Variants in PRKD1 observed in about 807,000 individuals in gnomAD.
PRKD1 encodes the protein protein kinase D1.
Under a neutral mutation model 95.9 loss-of-function variants are expected in PRKD1, and 63 were observed. The ratio of observed to expected loss-of-function variants is 0.66; its 90% CI spans 0.54 to 0.81. The LOEUF (loss-of-function observed/expected upper bound fraction) is 0.81, where lower values mean the gene tolerates loss of function less well. Ranked by LOEUF, PRKD1 falls within the 30% of genes least tolerant of loss-of-function variation. PRKD1 has a pLI of 0.00. For missense variants in PRKD1, 1,048 were observed against 1,165.3 expected, an observed-to-expected ratio of 0.90 and a Z score of 1.47; for synonymous variants, 425 against 423.1, an observed-to-expected ratio of 1.00 and a Z score of -0.05.
At chr14:29,863,885 T>A (rs1892793909) in intron 1 of PRKD1, among the ~76,000 whole-genome samples, 1 of 152,008 alleles carries the variant, frequency 6.6e-6, no homozygotes, top group Non-Finnish European at 1.5e-5. Context: ...TAAAATAATA[T>A]AATCTCAAAA....
chr14:29,614,856 ATTTTTTTTTTTTTT>A lies in PRKD1; in HGVS notation c.1905+9282_1905+9295del, dbSNP rs55917722. Among the ~76,000 whole-genome samples, 29 of 115,646 alleles carry A rather than the reference ATTTTTTTTTTTTTT, an allele frequency of 2.5e-4. 2 individuals carry two copies. The highest frequency in any genetic ancestry group is 8.9e-4 in the African/African-American group (25 of 28,146). The allele number at this position is 115,646 out of a possible 152,430, so 75.9% of individuals were successfully genotyped here. A position where few individuals can be genotyped will look rare whatever the true frequency, so the allele number is the denominator to read the frequency against. Reference sequence around the variant, plus strand: ...AGGCATGGGGCACCATGCCCAGCTAATTTTTTTTTTTTTTTTTTTTTTTTTTTGTATTTTTAGTA... The same window carrying A: ...AGGCATGGGGCACCATGCCCAGCTAATTTTTTTTTTTTTGTATTTTTAGTA... On this transcript the variant is annotated intron_variant, in intron 13 of 17. Coordinates refer to ENST00000331968, the MANE Select transcript of PRKD1 (RefSeq NM_002742.3).
chr14:29,819,638 C>T (rs1327600412), intron 1 of PRKD1, among the ~76,000 whole-genome samples: 2 of 151,734 alleles, frequency 1.3e-5, no homozygotes, highest in Non-Finnish European at 2.9e-5. Context: ...TGCAGTGAGC[C>T]GAGATTGCGC....
At chr14:29,897,037 C>T (rs1224543805) in intron 1 of PRKD1, among the ~76,000 whole-genome samples, 3 of 151,588 alleles carry the variant, frequency 2.0e-5, no homozygotes, top group African/African-American at 7.3e-5. Context: ...TATCTATGAT[C>T]CTACTAGCCA....
chr14:29,776,048 C>A (rs916930574), intron 1 of PRKD1, among the ~76,000 whole-genome samples: 1 of 152,118 alleles, frequency 6.6e-6, no homozygotes, highest in African/African-American at 2.4e-5. Context: ...CTGGAGTGGA[C>A]CTCCAGCAAA....
intron 2 of PRKD1, among the ~76,000 whole-genome samples, chr14:29,695,234 CAAAAAA>C (rs34575259): frequency 1.1e-5 from 1 of 95,176 alleles, no homozygotes; most frequent in Non-Finnish European, 2.2e-5. Context: ...AACTCCATCT[CAAAAAA>C]AAAAAAAAAA....
intron 2 of PRKD1, among the ~76,000 whole-genome samples, chr14:29,700,795 G>C (rs1268730856): frequency 6.6e-6 from 1 of 152,130 alleles, no homozygotes; most frequent in Non-Finnish European, 1.5e-5. Context: ...CTGAAGAAGA[G>C]GGAATTCTGT....
chr14:29,916,587 T>C (rs1445230304), intron 1 of PRKD1, among the ~76,000 whole-genome samples: 1 of 152,218 alleles, frequency 6.6e-6, no homozygotes, highest in Admixed American at 6.5e-5. Context: ...GTTACTGTTC[T>C]GAGGATCTAA....
chr14:29,729,658 T>C (rs527445230), intron 1 of PRKD1, among the ~76,000 whole-genome samples: 1 of 152,198 alleles, frequency 6.6e-6, no homozygotes, highest in South Asian at 2.1e-4. Flanking sequence ...ATGGATTTCT[T>C]TTCCTATCTT....
chr14:29,800,408 T>G (rs61979967), intron 1 of PRKD1, among the ~76,000 whole-genome samples: 6,814 of 152,332 alleles, frequency 0.045, 211 homozygotes, highest in Non-Finnish European at 0.07. Context: ...AAAACCTGTG[T>G]TCTAGACCCT....
chr14:29,724,535 A>T (rs1223575762), intron 2 of PRKD1, among the ~76,000 whole-genome samples: 1 of 152,202 alleles, frequency 6.6e-6, no homozygotes, highest in African/African-American at 2.4e-5. Flanking sequence ...CAATCCCAGG[A>T]TCTCACACAA....
At chr14:29,878,987 ATAATTCTTGCTAC>A (rs1219160134) in intron 1 of PRKD1, among the ~76,000 whole-genome samples, 1 of 152,202 alleles carries the variant, frequency 6.6e-6, no homozygotes, top group Non-Finnish European at 1.5e-5. Context: ...CCTCCACAGT[ATAATTCTTGCTAC>A]TATACTCTCC....
At chr14:29,674,726 A>G (rs952142037) in intron 2 of PRKD1, among the ~76,000 whole-genome samples, 1 of 152,248 alleles carries the variant, frequency 6.6e-6, no homozygotes, top group African/African-American at 2.4e-5. Flanking sequence ...GAACACCAGC[A>G]TACAAATTAC....
At chr14:29,717,727 T>C (rs1365841248) in intron 2 of PRKD1, among the ~76,000 whole-genome samples, 4 of 152,140 alleles carry the variant, frequency 2.6e-5, no homozygotes, top group Non-Finnish European at 5.9e-5. Context: ...TATTTAAAAG[T>C]ATACAGCATG....
At chr14:29,748,676 G>A (rs761726907) in intron 1 of PRKD1, among the ~76,000 whole-genome samples, 7 of 152,282 alleles carry the variant, frequency 4.6e-5, no homozygotes, top group South Asian at 2.1e-4. Flanking sequence ...ATTCACTGCT[G>A]TATCCAGCAC....
chr14:29,845,627 G>A (rs1316123581), intron 1 of PRKD1, among the ~76,000 whole-genome samples: 2 of 152,034 alleles, frequency 1.3e-5, no homozygotes, highest in East Asian at 3.8e-4. Flanking sequence ...GGCATATTTT[G>A]CTAACTTGAT....
intron 4 of PRKD1, among the ~76,000 whole-genome samples, chr14:29,645,366 A>G (rs190605820): frequency 5.1e-4 from 78 of 152,296 alleles, no homozygotes; most frequent in African/African-American, 1.8e-3. Context: ...AGTGGAATAA[A>G]CAGCTGCTAT....
intron 15 of PRKD1, among the ~76,000 whole-genome samples, chr14:29,598,261 A>C (rs941868850): frequency 9.3e-5 from 14 of 150,370 alleles, no homozygotes; most frequent in African/African-American, 2.9e-4. Flanking sequence ...GGGGCAACAG[A>C]GTGCTCTGTC....
At chr14:29,598,984 T>A in intron 15 of PRKD1, 43 bp downstream of exon 15, 1 of 1,478,314 alleles carries the variant, frequency 6.8e-7, no homozygotes, top group Non-Finnish European at 9.4e-7. Context: ...AAGCTAGCAA[T>A]GCTTCCAACT....
chr14:29,651,080 G>T (rs1194913291), intron 4 of PRKD1, among the ~76,000 whole-genome samples: 1 of 152,162 alleles, frequency 6.6e-6, no homozygotes, highest in Non-Finnish European at 1.5e-5. Flanking sequence ...AGCGCTGTGT[G>T]TGTCTGTGTG....
Sources: allele counts gnomAD v4.1 joint callset (sites outside exome capture counted in the v4.1 genomes callset), GRCh38; gene constraint gnomAD v4.1.1; transcripts MANE v1.5; gene names NCBI Gene and HGNC (gene_info 2026-07-23, HGNC 2026-07-21).